Variants in APCDD1L observed in about 807,000 individuals in gnomAD.
APCDD1L encodes the protein protein APCDD1-like.
Under a neutral mutation model 24.2 loss-of-function variants are expected in APCDD1L, and 21 were observed. The ratio of observed to expected loss-of-function variants is 0.87; its 90% confidence interval spans 0.61 to 1.25. APCDD1L has a LOEUF of 1.25. Among genes scored for constraint, APCDD1L ranks in the 50% most tolerant of loss-of-function variants. The probability of loss-of-function intolerance (pLI) is 0.00; values close to 1 mark genes in which losing one functional copy is unlikely to be tolerated. For synonymous variants in APCDD1L, 321 were observed against 323.6 expected (o/e 0.99, Z 0.09); for missense variants, 704 against 711.7 (o/e 0.99, Z 0.12).
rs1271753222 is a variant in APCDD1L at position 58,514,850 on chromosome 20, T to A, written c.-143A>T. ...AAGTTGCGAGGGTCCTGCGCCCCCC[T>A]CGGCGCTCACACGCGCTCAGCCTTC... is the stretch of plus-strand genomic sequence containing the variant. On this transcript the variant is annotated 5_prime_UTR_variant, in exon 1 of 4. Transcript: ENST00000371149. The A allele has an allele frequency of 1.8e-6, 1 of 561,086 alleles. No homozygotes were observed. Among genetic ancestry groups the A allele is most frequent in the African/African-American group, 2.0e-5 (1 of 51,162 alleles). The allele number at this position is 561,086 out of a possible 1,614,324, so 34.8% of individuals were successfully genotyped here.
chr20:58,466,524 C>T (rs1258164643), intron 3 of APCDD1L, among the ~76,000 whole-genome samples: 1 of 152,246 alleles, frequency 6.6e-6, no homozygotes, highest in Non-Finnish European at 1.5e-5. Context: ...GCCCCAGCGG[C>T]GCCCTGGAGG....
At position 58,515,336 on chromosome 20, in the gene APCDD1L, CTCTG is replaced by C. The variant is rs1990724151; in HGVS notation, c.-633_-630del. ...CGGTCGCCTAGAAGCCAGCCCCGGC[CTCTG>C]TCTGTAAATGAGGCCGTCACCCGCT... On this transcript the variant is annotated 5_prime_UTR_variant, in exon 1 of 4. Transcript: ENST00000371149. 1 of 310,430 alleles carries C rather than the reference CTCTG, an allele frequency of 3.2e-6. No individual in the cohort carries two copies. Among genetic ancestry groups the C allele is most frequent in the South Asian group, 1.6e-4 (1 of 6,226 alleles). 19.2% of individuals were successfully genotyped at this position (310,430 alleles called of 1,614,324 possible). A position where few individuals can be genotyped will look rare whatever the true frequency, so the allele number is the denominator to read the frequency against.
chr20:58,514,730 C>T lies in APCDD1L; in HGVS notation c.-23G>A. The T allele has an allele frequency of 6.9e-6, 9 of 1,295,836 alleles. No homozygotes were observed. Among genetic ancestry groups the T allele is most frequent in the Non-Finnish European group, 8.9e-6 (9 of 1,014,896 alleles). The allele number at this position is 1,295,836 out of a possible 1,614,324, so 80.3% of individuals were successfully genotyped here. On this transcript the variant is annotated 5_prime_UTR_variant, in exon 1 of 4. Coordinates refer to ENST00000371149, the MANE Select transcript of APCDD1L (RefSeq NM_153360.3). ...CATCCCGTCGGGGCTGGCAGGACCGCCCGCCGGGCGCTGCCACGGTGCGCA... is the reference window on the plus strand; with the variant it reads ...CATCCCGTCGGGGCTGGCAGGACCGTCCGCCGGGCGCTGCCACGGTGCGCA...
intron 1 of APCDD1L, among the ~76,000 whole-genome samples, chr20:58,499,353 G>A (rs1990387030): frequency 6.6e-6 from 1 of 152,144 alleles, no homozygotes; most frequent in Non-Finnish European, 1.5e-5. Context: ...GAGAGAGGAC[G>A]GGAATGGAAC....
chr20:58,485,061 A>T (rs969340368), intron 1 of APCDD1L, among the ~76,000 whole-genome samples: 3 of 151,958 alleles, frequency 2.0e-5, no homozygotes, highest in African/African-American at 7.3e-5. Context: ...TCTCTTATGG[A>T]AAAGACAAAA....
At position 58,504,190 on chromosome 20, in the gene APCDD1L, C is replaced by T. The variant is rs560858250; in HGVS notation, c.49+10469G>A. Among the ~76,000 whole-genome samples, 5 of 152,292 alleles carry T rather than the reference C, an allele frequency of 3.3e-5. No individual in the cohort carries two copies. In the East Asian group the frequency reaches 9.7e-4, roughly 29 times the overall value. On this transcript the variant is annotated intron_variant, in intron 1 of 3. Transcript: ENST00000371149. ...GACAGCAGATTGCTCAGGGCAAAGG[C>T]TCCATGGCTAATGGTATCAACAAGT...
At chr20:58,464,080 G>T (rs1346225335) in intron 3 of APCDD1L, among the ~76,000 whole-genome samples, 1 of 152,126 alleles carries the variant, frequency 6.6e-6, no homozygotes, top group Non-Finnish European at 1.5e-5. Flanking sequence ...ATGGGAGCAA[G>T]CAAGCTTGAT....
At chr20:58,478,015 T>C (rs1369314568) in intron 1 of APCDD1L, among the ~76,000 whole-genome samples, 1 of 152,222 alleles carries the variant, frequency 6.6e-6, no homozygotes, top group Non-Finnish European at 1.5e-5. Flanking sequence ...TACTATGAAC[T>C]CCTGAATATT....
Position 58,514,785 on chromosome 20 carries a change from C to A in APCDD1L, c.-78G>T. ...GAGGCGCGGGCGCAGGGCTCTCGGA[C>A]GGCTGCGGGCGCCGGCGGCCAGGCT... is the stretch of plus-strand genomic sequence containing the variant. On this transcript the variant is annotated 5_prime_UTR_variant, in exon 1 of 4. Transcript: ENST00000371149. 2.6e-6 allele frequency: 3 copies of A among 1,173,188 alleles called. No individual in the cohort carries two copies. Among genetic ancestry groups the A allele is most frequent in the South Asian group, 4.3e-5 (1 of 23,066 alleles). The allele number at this position is 1,173,188 out of a possible 1,614,324, so 72.7% of individuals were successfully genotyped here.
rs1568758274 is a variant in APCDD1L, at chr20:58,514,791, C to T, written c.-84G>A. Reference sequence around the variant, plus strand: ...CGGGCGCAGGGCTCTCGGACGGCTGCGGGCGCCGGCGGCCAGGCTGGAGTC... The same window carrying T: ...CGGGCGCAGGGCTCTCGGACGGCTGTGGGCGCCGGCGGCCAGGCTGGAGTC... On this transcript the variant is annotated 5_prime_UTR_variant, in exon 1 of 4. Transcript: ENST00000371149. 7.0e-6 allele frequency: 8 copies of T among 1,137,810 alleles called. No individual in the cohort carries two copies. The highest frequency in any genetic ancestry group is 9.0e-6 in the Non-Finnish European group (8 of 890,702). 70.5% of individuals were successfully genotyped at this position (1,137,810 alleles called of 1,614,324 possible).
At chr20:58,471,973 T>C (rs1205384677) in intron 1 of APCDD1L, among the ~76,000 whole-genome samples, 1 of 151,966 alleles carries the variant, frequency 6.6e-6, no homozygotes, top group Non-Finnish European at 1.5e-5. Flanking sequence ...GGGGGCTGAG[T>C]TGAGAAGTGA....
chr20:58,468,901 A>T (rs2123139014), intron 2 of APCDD1L, among the ~76,000 whole-genome samples: 1 of 152,258 alleles, frequency 6.6e-6, no homozygotes, highest in Middle Eastern at 3.4e-3. Flanking sequence ...GTTGGAGCAG[A>T]GGAAACATGT....
intron 1 of APCDD1L, among the ~76,000 whole-genome samples, chr20:58,478,203 A>C (rs1259568679): frequency 6.6e-6 from 1 of 151,880 alleles, no homozygotes; most frequent in Non-Finnish European, 1.5e-5. Context: ...TTCCAGGATC[A>C]TTTTGTATTT....
Position 58,494,134 on chromosome 20 carries a change from A to G in APCDD1L, c.49+20525T>C, listed in dbSNP as rs548383310. Among the ~76,000 whole-genome samples the G allele has an allele frequency of 7.2e-5, 11 of 152,310 alleles. No homozygotes were observed. In the South Asian group the frequency reaches 1.9e-3, roughly 26 times the overall value. On this transcript the variant is annotated intron_variant, in intron 1 of 3. Coordinates refer to ENST00000371149, the MANE Select transcript of APCDD1L (RefSeq NM_153360.3). The surrounding 1 kb of genome is among the most constrained non-coding windows in gnomAD (Gnocchi z 4.8). ...CATCCTCATCACCTTCATGTTGAGT[A>G]GGCTGAGGAGGAGGAGGAAGAGGAG...
chr20:58,494,279 T>C lies in APCDD1L; in HGVS notation c.49+20380A>G, dbSNP rs981980105. On this transcript the variant is annotated intron_variant, in intron 1 of 3. Coordinates refer to ENST00000371149, the MANE Select transcript of APCDD1L (RefSeq NM_153360.3). The surrounding 1 kb of genome is among the most constrained non-coding windows in gnomAD (Gnocchi z 4.8). ...ACTGCATTTCTTTTTTCTTTTCTTT[T>C]CTTTTCTTACTTTTCTTTTCTCTTC... Among the ~76,000 whole-genome samples, 1 of 142,708 alleles carries C rather than the reference T, an allele frequency of 7.0e-6. No individual in the cohort carries two copies. Among genetic ancestry groups the C allele is most frequent in the Non-Finnish European group, 1.5e-5 (1 of 66,698 alleles). The allele number at this position is 142,708 out of a possible 152,430, so 93.6% of individuals were successfully genotyped here.
intron 1 of APCDD1L, among the ~76,000 whole-genome samples, chr20:58,475,642 C>T (rs1460570392): frequency 2.6e-5 from 4 of 152,030 alleles, no homozygotes; most frequent in South Asian, 2.1e-4. Context: ...ACCTGAGGCA[C>T]GCGAAAGGAG....
intron 1 of APCDD1L, among the ~76,000 whole-genome samples, chr20:58,498,542 C>G (rs6026314): frequency 0.78 from 119,205 of 152,254 alleles, 46,983 homozygotes; most frequent in East Asian, 0.97. Context: ...CTGCTGGCCT[C>G]GGGGGAAGCT....
chr20:58,492,070 A>T (rs1356931340), intron 1 of APCDD1L, among the ~76,000 whole-genome samples: 1 of 152,196 alleles, frequency 6.6e-6, no homozygotes, highest in Admixed American at 6.5e-5. Flanking sequence ...GGGCGGGGGG[A>T]GGAACTTAAA....
At position 58,471,456 on chromosome 20, in the gene APCDD1L, C is replaced by T. The variant is rs146981437; in HGVS notation, c.50-709G>A. 1.9e-3 allele frequency among the ~76,000 whole-genome samples: 289 copies of T among 152,352 alleles called. 9 individuals carry two copies. The South Asian group carries it at 0.031, about 16-fold the overall frequency. ...TCAGGGCTCCGTCCCTAAGCCCAGA[C>T]ACCAGGGGGAGGAATTGGGCTCAGG... On this transcript the variant is annotated intron_variant, in intron 1 of 3. Transcript: ENST00000371149.
Sources: allele counts gnomAD v4.1 joint callset (sites outside exome capture counted in the v4.1 genomes callset), GRCh38; gene constraint gnomAD v4.1.1; non-coding constraint Gnocchi (gnomAD v3.1); transcripts MANE v1.5; gene names NCBI Gene and HGNC (gene_info 2026-07-23, HGNC 2026-07-21).